AGBL4: variants seen among roughly 807,000 people sequenced by gnomAD.
AGBL4 encodes cytosolic carboxypeptidase 6.
Under a neutral mutation model 66.4 loss-of-function variants are expected in AGBL4, and 58 were observed. That is an observed-to-expected ratio of 0.87 (90% CI 0.71 to 1.09). AGBL4 has a LOEUF of 1.09. Ranked by LOEUF, AGBL4 falls within the 50% of genes least tolerant of loss-of-function variation. AGBL4 has a pLI of 0.00. For missense variants in AGBL4, 579 were observed against 631.0 expected, an observed-to-expected ratio of 0.92 and a Z score of 0.88; for synonymous variants, 234 against 222.9, an observed-to-expected ratio of 1.05 and a Z score of -0.44.
At chr1:48,850,193 A>G (rs1163878082) in intron 6 of AGBL4, among the ~76,000 whole-genome samples, 1 of 152,116 alleles carries the variant, frequency 6.6e-6, no homozygotes, top group East Asian at 1.9e-4. Flanking sequence ...TTACCTATCA[A>G]TGGATTCCTA....
chr1:49,945,910 A>G (rs1655164020), intron 1 of AGBL4, among the ~76,000 whole-genome samples: 1 of 152,120 alleles, frequency 6.6e-6, no homozygotes, highest in Non-Finnish European at 1.5e-5. Context: ...AAGAGCATCT[A>G]TTCTTATATC....
chr1:48,863,554 G>A (rs897513957), intron 6 of AGBL4, among the ~76,000 whole-genome samples: 2 of 152,030 alleles, frequency 1.3e-5, no homozygotes, highest in Admixed American at 1.3e-4. Flanking sequence ...TTATTAAGAT[G>A]ATATGAAAAT....
At chr1:49,086,652 C>T (rs964062086) in intron 4 of AGBL4, among the ~76,000 whole-genome samples, 2 of 151,936 alleles carry the variant, frequency 1.3e-5, no homozygotes, top group African/African-American at 4.8e-5. Context: ...GCTGCAGAAA[C>T]ACCTAGACAG....
intron 3 of AGBL4, among the ~76,000 whole-genome samples, chr1:49,438,272 C>T (rs1008125409): frequency 8.5e-5 from 13 of 152,174 alleles, no homozygotes; most frequent in African/African-American, 3.1e-4. Context: ...AAATAAACCA[C>T]TCCTTAAGTA....
intron 2 of AGBL4, among the ~76,000 whole-genome samples, chr1:49,778,904 T>C (rs1042899102): frequency 6.6e-6 from 1 of 152,154 alleles, no homozygotes; most frequent in Non-Finnish European, 1.5e-5. Flanking sequence ...TCTCCACCAG[T>C]ATGCAATATA....
At chr1:49,934,388 T>C (rs1653705049) in intron 1 of AGBL4, among the ~76,000 whole-genome samples, 1 of 152,178 alleles carries the variant, frequency 6.6e-6, no homozygotes, top group Non-Finnish European at 1.5e-5. Flanking sequence ...TAGTCATATG[T>C]GAGGTCACAA....
rs1645897851 is a variant in AGBL4 at position 48,649,777 on chromosome 1, G to A, written c.839+3560C>T. Among the ~76,000 whole-genome samples, 4 of 152,202 alleles carry A rather than the reference G, an allele frequency of 2.6e-5. No homozygotes were observed. In the South Asian group the frequency reaches 8.3e-4, roughly 31 times the overall value. ...GGATTATATGCTTCTTTAATGTGGAGGAGTGAGGAGGAGGAAGAGAAGGAG... is the reference window on the plus strand; with the variant it reads ...GGATTATATGCTTCTTTAATGTGGAAGAGTGAGGAGGAGGAAGAGAAGGAG... On this transcript the variant is annotated intron_variant, in intron 8 of 13. Transcript: ENST00000371839.
chr1:49,971,390 T>C (rs1658070556), intron 1 of AGBL4, among the ~76,000 whole-genome samples: 2 of 152,184 alleles, frequency 1.3e-5, no homozygotes, highest in African/African-American at 4.8e-5. Flanking sequence ...TAATCTTTAT[T>C]TTACTTAATA....
chr1:49,511,916 G>A (rs1649303540), intron 3 of AGBL4, among the ~76,000 whole-genome samples: 1 of 152,012 alleles, frequency 6.6e-6, no homozygotes, highest in Non-Finnish European at 1.5e-5. Context: ...ATAACTAGAT[G>A]CACTTATATT....
chr1:49,518,673 A>T (rs1650022872), intron 3 of AGBL4, among the ~76,000 whole-genome samples: 1 of 152,114 alleles, frequency 6.6e-6, no homozygotes, highest in Non-Finnish European at 1.5e-5. Context: ...AGATCAAAGG[A>T]TATAATGAAT....
intron 4 of AGBL4, among the ~76,000 whole-genome samples, chr1:49,052,236 C>G (rs566713327): frequency 6.6e-5 from 10 of 152,242 alleles, no homozygotes; most frequent in African/African-American, 2.4e-4. Context: ...ACTGATTATT[C>G]CCCCTGGTCA....
At chr1:49,752,685 T>C (rs953069708) in intron 2 of AGBL4, among the ~76,000 whole-genome samples, 1 of 152,142 alleles carries the variant, frequency 6.6e-6, no homozygotes, top group Non-Finnish European at 1.5e-5. Flanking sequence ...TCTCTCACTA[T>C]TATTGTGTGG....
chr1:49,395,011 A>G (rs1260145169), intron 3 of AGBL4, among the ~76,000 whole-genome samples: 1 of 152,184 alleles, frequency 6.6e-6, no homozygotes, highest in Non-Finnish European at 1.5e-5. Flanking sequence ...CTGTTCTAGA[A>G]GGATATGAAA....
At chr1:48,697,675 G>A (rs1210742024) in intron 6 of AGBL4, among the ~76,000 whole-genome samples, 2 of 152,116 alleles carry the variant, frequency 1.3e-5, no homozygotes, top group Non-Finnish European at 2.9e-5. Context: ...AACTTCCTTG[G>A]TATCCCTGAA....
At chr1:48,549,454 A>AGGAGAG (rs1644216971) in intron 11 of AGBL4, among the ~76,000 whole-genome samples, 1 of 150,268 alleles carries the variant, frequency 6.7e-6, no homozygotes. Flanking sequence ...TGTGAAAGAG[A>AGGAGAG]GGAGAGGGAG....
At chr1:49,590,419 C>G (rs913425485) in intron 3 of AGBL4, among the ~76,000 whole-genome samples, 2 of 151,312 alleles carry the variant, frequency 1.3e-5, no homozygotes, top group African/African-American at 4.8e-5. Context: ...AGGCTAGTCC[C>G]TGGCACAAGG....
intron 3 of AGBL4, among the ~76,000 whole-genome samples, chr1:49,595,211 C>G: frequency 6.6e-6 from 1 of 152,136 alleles, no homozygotes; most frequent in Non-Finnish European, 1.5e-5. Flanking sequence ...GCATCAGCCT[C>G]CTGAGTAGTT....
intron 3 of AGBL4, among the ~76,000 whole-genome samples, chr1:49,257,768 G>T (rs1214248941): frequency 6.6e-6 from 1 of 152,156 alleles, no homozygotes; most frequent in Non-Finnish European, 1.5e-5. Flanking sequence ...CGTCACTCAC[G>T]CTGGGAGCTG....
intron 3 of AGBL4, among the ~76,000 whole-genome samples, chr1:49,334,248 A>T (rs1179306323): frequency 2.6e-5 from 4 of 152,226 alleles, no homozygotes; most frequent in African/African-American, 9.6e-5. Context: ...AAGGGAACAC[A>T]GTAAAACCAG....
Sources: allele counts gnomAD v4.1 joint callset (sites outside exome capture counted in the v4.1 genomes callset), GRCh38; gene constraint gnomAD v4.1.1; transcripts MANE v1.5; gene names NCBI Gene and HGNC (gene_info 2026-07-23, HGNC 2026-07-21).